Variants in R3HCC1L observed in about 807,000 individuals in gnomAD.
R3HCC1L encodes the protein coiled-coil domain-containing protein R3HCC1L.
R3HCC1L carries 51 observed loss-of-function variants against 59.9 expected under a neutral mutation model. The ratio of observed to expected loss-of-function variants is 0.85; its 90% CI spans 0.68 to 1.07. The LOEUF (loss-of-function observed/expected upper bound fraction) is 1.07. R3HCC1L is among the 50% of genes least tolerant of loss of function. The pLI is 0.00. For synonymous variants in R3HCC1L, 322 were observed against 315.2 expected (o/e 1.02, Z -0.23); for missense variants, 965 against 933.0 (o/e 1.03, Z -0.45).
chr10:98,208,511 A>C lies in R3HCC1L; in HGVS notation c.397A>C (p.Asn133His). 6.2e-7 allele frequency: 1 copy of C among 1,614,160 alleles called. No individual in the cohort carries two copies. The highest frequency in any genetic ancestry group is 1.3e-5 in the African/African-American group (1 of 75,054). Residue 133 changes from asparagine (N) to histidine (H), a missense_variant, in exon 5 of 10, where the codon AAT (asparagine) becomes CAT (histidine). Transcript: ENST00000298999. ...AGCCCCAAATGCTGGGGTTATAACT[A>C]ATGCACCTTTGCAGAGACATTTTAA... ...QGAPNAGVIT[N>H]APLQRHFKPK...
At chr10:98,140,486 CAGAG>C (rs892119515) in intron 1 of R3HCC1L, among the ~76,000 whole-genome samples, 2 of 152,032 alleles carry the variant, frequency 1.3e-5, no homozygotes, top group African/African-American at 2.4e-5. Flanking sequence ...AAGTCAAAAA[CAGAG>C]AGGGACAGTC....
At chr10:98,180,246 G>C (rs1216490223) in intron 4 of R3HCC1L, among the ~76,000 whole-genome samples, 1 of 152,082 alleles carries the variant, frequency 6.6e-6, no homozygotes, top group Non-Finnish European at 1.5e-5. Flanking sequence ...CAGAGATTCT[G>C]GTATGTTGTG....
intron 5 of R3HCC1L, among the ~76,000 whole-genome samples, chr10:98,231,274 A>G (rs1466711239): frequency 1.3e-5 from 2 of 152,150 alleles, no homozygotes; most frequent in Admixed American, 6.5e-5. Context: ...AGTTTCATGC[A>G]TTGCCTGTCT....
At chr10:98,177,200 G>A (rs1312661458) in intron 4 of R3HCC1L, among the ~76,000 whole-genome samples, 2 of 151,832 alleles carry the variant, frequency 1.3e-5, no homozygotes, top group Non-Finnish European at 2.9e-5. Context: ...CCCACAACAG[G>A]CCCCAGTGTG....
intron 4 of R3HCC1L, among the ~76,000 whole-genome samples, chr10:98,177,402 T>TG (rs1309455180): frequency 2.0e-5 from 3 of 152,208 alleles, no homozygotes; most frequent in African/African-American, 7.2e-5. Flanking sequence ...GGTGTATATG[T>TG]GCCACATTTT....
chr10:98,165,991 G>A (rs1847906764), intron 4 of R3HCC1L, among the ~76,000 whole-genome samples: 1 of 152,200 alleles, frequency 6.6e-6, no homozygotes. Context: ...GACCAACATG[G>A]TGAAACCCCA....
chr10:98,203,307 A>G (rs1852251729), intron 4 of R3HCC1L, among the ~76,000 whole-genome samples: 1 of 152,216 alleles, frequency 6.6e-6, no homozygotes, highest in African/African-American at 2.4e-5. Flanking sequence ...ATTCCAAATG[A>G]TAAATGAGGT....
At chr10:98,181,071 T>A (rs1298472384) in intron 4 of R3HCC1L, among the ~76,000 whole-genome samples, 1 of 152,214 alleles carries the variant, frequency 6.6e-6, no homozygotes, top group African/African-American at 2.4e-5. Context: ...TATTGTTATG[T>A]GTGAATTTGA....
intron 4 of R3HCC1L, among the ~76,000 whole-genome samples, chr10:98,187,730 CTTTTTTTTT>C (rs755546581): frequency 2.1e-5 from 2 of 95,162 alleles, no homozygotes; most frequent in African/African-American, 4.0e-5. Context: ...TGTAACAATT[CTTTTTTTTT>C]TTTTTTTTTT....
chr10:98,139,751 G>A (rs895956782), intron 1 of R3HCC1L, among the ~76,000 whole-genome samples: 1 of 151,798 alleles, frequency 6.6e-6, no homozygotes, highest in Non-Finnish European at 1.5e-5. Flanking sequence ...TCGAGTCTGT[G>A]GTGTCCATTT....
intron 2 of R3HCC1L, 56 bp downstream of exon 2, chr10:98,156,203 C>T (rs1182075908): frequency 2.0e-5 from 3 of 152,016 alleles, no homozygotes; most frequent in African/African-American, 4.8e-5. Context: ...TTTGGTTCTC[C>T]GAATATCGTT....
chr10:98,187,985 C>T (rs1590627250), intron 4 of R3HCC1L, among the ~76,000 whole-genome samples: 1 of 151,978 alleles, frequency 6.6e-6, no homozygotes, highest in East Asian at 1.9e-4. Flanking sequence ...TTAAGTGATC[C>T]TCCCATCTTG....
chr10:98,208,030 G>C, intron 4 of R3HCC1L, 71 bp from the exon 5 acceptor site: 4 of 1,398,090 alleles, frequency 2.9e-6, no homozygotes, highest in Non-Finnish European at 3.8e-6. Context: ...GTCCCAAAAA[G>C]AAAAAAGAAA....
intron 1 of R3HCC1L, 140 bp from the exon 2 acceptor site, chr10:98,155,953 C>T (rs1477412891): frequency 6.6e-6 from 1 of 152,016 alleles, no homozygotes; most frequent in Admixed American, 6.5e-5. Context: ...GTTATATTTA[C>T]ATTACTATGC....
chr10:98,220,813 A>G (rs1854831717), intron 5 of R3HCC1L, among the ~76,000 whole-genome samples: 1 of 150,330 alleles, frequency 6.7e-6, no homozygotes, highest in Non-Finnish European at 1.5e-5. Context: ...AGTCTTTGCT[A>G]TTGTGAATAA....
chr10:98,230,907 C>A (rs1370144919), intron 5 of R3HCC1L: 1 of 179,192 alleles, frequency 5.6e-6, no homozygotes, highest in Non-Finnish European at 1.2e-5. Context: ...CCTTCACTAG[C>A]CTGCTATATG....
At chr10:98,150,794 G>A (rs1317117422) in intron 1 of R3HCC1L, among the ~76,000 whole-genome samples, 1 of 152,168 alleles carries the variant, frequency 6.6e-6, no homozygotes, top group African/African-American at 2.4e-5. Flanking sequence ...TCTAGGGCTG[G>A]GAACAGTAGT....
chr10:98,235,302 C>T (rs1244283130), intron 7 of R3HCC1L, 123 bp from the exon 8 acceptor site: 8 of 784,600 alleles, frequency 1.0e-5, no homozygotes, highest in Non-Finnish European at 1.7e-5. Flanking sequence ...ATCTTTAGAT[C>T]TGTCTCTTTT....
chr10:98,222,657 T>G (rs1015658753), intron 5 of R3HCC1L, among the ~76,000 whole-genome samples: 7 of 152,294 alleles, frequency 4.6e-5, no homozygotes, highest in South Asian at 4.1e-4. Context: ...TTTGTCTTTG[T>G]CTCTGTTTAT....
Sources: allele counts gnomAD v4.1 joint callset (sites outside exome capture counted in the v4.1 genomes callset), GRCh38; gene constraint gnomAD v4.1.1; transcripts MANE v1.5; gene names NCBI Gene and HGNC (gene_info 2026-07-23, HGNC 2026-07-21).